ESYT3: variants seen among roughly 807,000 people sequenced by gnomAD.
ESYT3 encodes extended synaptotagmin 3.
In ESYT3, 101 loss-of-function variants were observed where a neutral mutation model predicts 111.5. That is an observed-to-expected ratio of 0.91 (90% CI 0.77 to 1.07). The LOEUF (loss-of-function observed/expected upper bound fraction) is 1.07. Ranked by LOEUF, ESYT3 falls within the 50% of genes least tolerant of loss-of-function variation. The probability of loss-of-function intolerance (pLI) is 0.00; values close to 1 mark genes in which losing one functional copy is unlikely to be tolerated. For synonymous variants in ESYT3, 416 were observed against 446.8 expected (o/e 0.93, Z 0.87); for missense variants, 1,097 against 1,109.4 (o/e 0.99, Z 0.16).
chr3:138,443,650 T>A (rs1360246667), intron 1 of ESYT3, among the ~76,000 whole-genome samples: 1 of 152,204 alleles, frequency 6.6e-6, no homozygotes, highest in Non-Finnish European at 1.5e-5. Context: ...ACTGTGTGTG[T>A]CTTTGCACAT....
At chr3:138,463,285 G>A (rs571544000) in intron 8 of ESYT3, among the ~76,000 whole-genome samples, 19 of 152,180 alleles carry the variant, frequency 1.2e-4, no homozygotes, top group Admixed American at 3.3e-4. Flanking sequence ...AGTAGAGACC[G>A]GGTTTCACCA....
At position 138,460,084 on chromosome 3, in the gene ESYT3, T is replaced by C. The variant is rs955840428; in HGVS notation, c.738+50T>C. 10 of 1,520,268 alleles carry C rather than the reference T, an allele frequency of 6.6e-6. No homozygotes were observed. In the African/African-American group the frequency reaches 1.4e-4, roughly 21 times the overall value. 94.2% of individuals were successfully genotyped at this position (1,520,268 alleles called of 1,614,324 possible). A position where few individuals can be genotyped will look rare whatever the true frequency, so the allele number is the denominator to read the frequency against. Reference sequence around the variant, plus strand: ...CCTGCTGCTCCCTGGGAGTAGGCACTGGTCTGCTGGGCCCTAGACATTGGG... The same window carrying C: ...CCTGCTGCTCCCTGGGAGTAGGCACCGGTCTGCTGGGCCCTAGACATTGGG... On this transcript the variant is annotated intron_variant, in intron 6 of 22. Transcript: ENST00000389567.
intron 2 of ESYT3, among the ~76,000 whole-genome samples, chr3:138,454,056 T>C (rs1163355980): frequency 6.6e-6 from 1 of 152,154 alleles, no homozygotes; most frequent in Non-Finnish European, 1.5e-5. Flanking sequence ...TGGATCAACA[T>C]CCATCAGCTC....
At position 138,466,447 on chromosome 3, in the gene ESYT3, C is replaced by T. The variant is rs532106951; in HGVS notation, c.1169+1026C>T. Among the ~76,000 whole-genome samples the T allele has an allele frequency of 3.3e-5, 5 of 152,296 alleles. No homozygotes were observed. The South Asian group carries it at 1.0e-3, about 32-fold the overall frequency. ...AGATTCACCACCAGATGTTGCTTAT[C>T]ATTTTTTATTTTTATCTTAATGAAA... is the stretch of plus-strand genomic sequence containing the variant. On this transcript the variant is annotated intron_variant, in intron 10 of 22. Transcript: ENST00000389567.
At chr3:138,469,993 A>G in intron 15 of ESYT3, 67 bp from the exon 16 acceptor site, 3 of 1,388,988 alleles carry the variant, frequency 2.2e-6, no homozygotes, top group Non-Finnish European at 3.0e-6. Context: ...GAGTGATAGC[A>G]GAGGGTGCCG....
At chr3:138,464,210 C>T (rs1175209053) in intron 8 of ESYT3, 135 bp from the exon 9 acceptor site, 2 of 998,408 alleles carry the variant, frequency 2.0e-6, no homozygotes, top group Non-Finnish European at 2.9e-6. Context: ...CCGTATCTGG[C>T]TTCTATCTCC....
At chr3:138,476,668 C>A in intron 22 of ESYT3, 150 bp from the exon 23 acceptor site, 1 of 1,039,732 alleles carries the variant, frequency 9.6e-7, no homozygotes, top group Non-Finnish European at 1.5e-6. Context: ...TAAACTCTAG[C>A]CTTAACCCTG....
At chr3:138,437,804 C>A (rs1271674251) in intron 1 of ESYT3, among the ~76,000 whole-genome samples, 1 of 151,912 alleles carries the variant, frequency 6.6e-6, no homozygotes, top group Non-Finnish European at 1.5e-5. Context: ...AGTAGGGGTG[C>A]AGGGGGATCC....
chr3:138,452,028 C>G lies in ESYT3; in HGVS notation c.328-20C>G. On this transcript the variant is annotated intron_variant, in intron 1 of 22. Transcript: ENST00000389567. ...GTGTGCGGCTTCTAGTCTAACTTCC[C>G]CTCGGGGCTTCTTTCCTAGATCCAC... 6.2e-7 allele frequency: 1 copy of G among 1,613,580 alleles called. No individual in the cohort carries two copies. The highest frequency in any genetic ancestry group is 8.5e-7 in the Non-Finnish European group (1 of 1,179,858).
chr3:138,476,226 T>G lies in ESYT3; in HGVS notation c.2472T>G (p.Phe824Leu), dbSNP rs1244493349. The G allele has an allele frequency of 6.2e-7, 1 of 1,606,278 alleles. No individual in the cohort carries two copies. The highest frequency in any genetic ancestry group is 1.1e-5 in the South Asian group (1 of 90,464). ...KTLEPLFDET[F>L]EFFVPMEEVK... Reference sequence around the variant, plus strand: ...ACTTCCTTTTTGCTTCCTAAAGATTTGAATTTTTTGTTCCCATGGAAGAAG... The same window carrying G: ...ACTTCCTTTTTGCTTCCTAAAGATTGGAATTTTTTGTTCCCATGGAAGAAG... The change falls in exon 21 of 23, where the codon TTT becomes TTG. Residue 824 changes from phenylalanine (F) to leucine (L), a missense_variant. Coordinates refer to ENST00000389567, the MANE Select transcript of ESYT3 (RefSeq NM_031913.5).
rs1156627289 is a variant in ESYT3 at position 138,435,688 on chromosome 3, C to T, written c.327+563C>T. ...GGGCCCCGGGCCTCCTTCCCTCCCT[C>T]CCTCCGCCGGATAGGGATGCCGGCA... is the stretch of plus-strand genomic sequence containing the variant. On this transcript the variant is annotated intron_variant, in intron 1 of 22. Transcript: ENST00000389567. The surrounding 1 kb of genome is among the most constrained non-coding windows in gnomAD (Gnocchi z 4.8). Among the ~76,000 whole-genome samples the T allele has an allele frequency of 1.3e-5, 2 of 152,128 alleles. No individual in the cohort carries two copies. Among genetic ancestry groups the T allele is most frequent in the South Asian group, 2.1e-4 (1 of 4,804 alleles).
rs147675254 is a variant in ESYT3, at chr3:138,454,973, T to C, written c.370-221T>C. Among the ~76,000 whole-genome samples, 8 of 152,306 alleles carry C rather than the reference T, an allele frequency of 5.3e-5. No individual in the cohort carries two copies. In the East Asian group the frequency reaches 1.5e-3, roughly 29 times the overall value. On this transcript the variant is annotated intron_variant, in intron 2 of 22. Coordinates refer to ENST00000389567, the MANE Select transcript of ESYT3 (RefSeq NM_031913.5). The stretch of plus-strand genomic sequence containing the variant: ...CACCAAATCTTGGGGTCCTGCTGCC[T>C]GCATGACAGTGGGAACCACGGCTGT...
At chr3:138,453,079 A>C (rs917467118) in intron 2 of ESYT3, among the ~76,000 whole-genome samples, 3 of 152,178 alleles carry the variant, frequency 2.0e-5, no homozygotes, top group Non-Finnish European at 2.9e-5. Context: ...GCAAAAGAAC[A>C]GAGAACATTC....
chr3:138,468,764 C>T (rs761371597), intron 13 of ESYT3, 47 bp downstream of exon 13: 1 of 1,612,582 alleles, frequency 6.2e-7, no homozygotes, highest in East Asian at 2.2e-5. Flanking sequence ...AACAAAGTGC[C>T]CATCACTTTC....
chr3:138,446,988 T>G (rs2031586514), intron 1 of ESYT3, among the ~76,000 whole-genome samples: 1 of 152,142 alleles, frequency 6.6e-6, no homozygotes, highest in African/African-American at 2.4e-5. Flanking sequence ...TAGGCCAAAA[T>G]CACACCACTG....
intron 1 of ESYT3, among the ~76,000 whole-genome samples, chr3:138,451,719 C>A (rs1254148681): frequency 6.6e-6 from 1 of 152,222 alleles, no homozygotes; most frequent in Non-Finnish European, 1.5e-5. Context: ...GCGTGGAGTC[C>A]TGTCCTGCCC....
intron 18 of ESYT3, 55 bp from the exon 19 acceptor site, chr3:138,473,481 G>T: frequency 6.7e-7 from 1 of 1,488,980 alleles, no homozygotes; most frequent in Non-Finnish European, 9.4e-7. Flanking sequence ...TGGGGGTGGC[G>T]GAAGAGGGCC....
At chr3:138,451,928 G>T in intron 1 of ESYT3, 120 bp from the exon 2 acceptor site, 1 of 1,113,838 alleles carries the variant, frequency 9.0e-7, no homozygotes, top group Non-Finnish European at 1.4e-6. Context: ...TGGAGGCGGC[G>T]GGGAGGAAGG....
chr3:138,472,965 C>T (rs765426220), intron 18 of ESYT3, 106 bp downstream of exon 18: 27 of 1,516,918 alleles, frequency 1.8e-5, no homozygotes, highest in Non-Finnish European at 2.4e-5. Context: ...GTTGTTTTTT[C>T]ACAAAATATC....
Sources: allele counts gnomAD v4.1 joint callset (sites outside exome capture counted in the v4.1 genomes callset), GRCh38; gene constraint gnomAD v4.1.1; non-coding constraint Gnocchi (gnomAD v3.1); transcripts MANE v1.5; gene names NCBI Gene and HGNC (gene_info 2026-07-23, HGNC 2026-07-21).